The following HTT-AS variants were observed in gnomAD, a reference collection of about 807,000 sequenced individuals.
HTT-AS encodes the protein HTT antisense RNA.
chr4:3,053,717 G>T (rs971266515), intron 2 of HTT-AS, among the ~76,000 whole-genome samples: 3 of 151,362 alleles, frequency 2.0e-5, no homozygotes, highest in African/African-American at 7.3e-5. Context: ...AAAGACATTT[G>T]GCCTAAATTA....
At chr4:3,066,059 C>T (rs965848114) in intron 1 of HTT-AS, among the ~76,000 whole-genome samples, 1 of 152,110 alleles carries the variant, frequency 6.6e-6, no homozygotes, top group African/African-American at 2.4e-5. Context: ...AAGCAGCTTT[C>T]GGGGCTGGAA....
intron 1 of HTT-AS, among the ~76,000 whole-genome samples, chr4:3,069,237 T>C (rs28682489): frequency 0.058 from 8,760 of 151,606 alleles, 453 homozygotes; most frequent in African/African-American, 0.13. Context: ...CCTCCTCCTC[T>C]TGGGTTCAGG....
intron 2 of HTT-AS, among the ~76,000 whole-genome samples, chr4:3,061,416 C>T (rs550365930): frequency 1.3e-5 from 2 of 152,330 alleles, no homozygotes; most frequent in Middle Eastern, 3.4e-3. Flanking sequence ...CGCAGTGGCT[C>T]ATGCCTGTAA....
intron 1 of HTT-AS, among the ~76,000 whole-genome samples, chr4:3,065,509 G>A (rs1578469112): frequency 2.6e-5 from 4 of 152,132 alleles, no homozygotes; most frequent in Admixed American, 6.5e-5. Flanking sequence ...GAGCCACCAC[G>A]CCAGCCCAAC....
downstream of HTT-AS, among the ~76,000 whole-genome samples, chr4:3,048,250 C>T (rs1387622194): frequency 6.6e-6 from 1 of 152,162 alleles, no homozygotes; most frequent in African/African-American, 2.4e-5. Flanking sequence ...AAACTTAGGG[C>T]CTTAGCACCA....
intron 2 of HTT-AS, among the ~76,000 whole-genome samples, chr4:3,059,640 A>T (rs1027226138): frequency 1.3e-5 from 2 of 151,736 alleles, no homozygotes; most frequent in Non-Finnish European, 2.9e-5. Context: ...CCCAGGCTGG[A>T]GTGCAGTGGC....
downstream of HTT-AS, among the ~76,000 whole-genome samples, chr4:3,047,731 G>T (rs1041781068): frequency 2.6e-5 from 4 of 152,212 alleles, no homozygotes; most frequent in Non-Finnish European, 5.9e-5. Flanking sequence ...AGTCAGGCCC[G>T]CCCACAGCCA....
In HTT-AS at chr4:3,059,941, G is replaced by A. The variant is rs181087531; in HGVS notation, n.1380+2493C>T. ...TGTTTTTTGTTTTTTTTTTTGAGAC[G>A]GAGTCTCATTCATTCTGTCACCCAG... is the stretch of plus-strand genomic sequence containing the variant. On this transcript the variant is annotated intron_variant and non_coding_transcript_variant, in intron 2 of 2. Transcript: ENST00000664062. Among the ~76,000 whole-genome samples, 329 of 124,378 alleles carry A rather than the reference G, an allele frequency of 2.6e-3. 5 individuals carry two copies. In the Admixed American group the frequency reaches 0.028, roughly 11 times the overall value. The allele number at this position is 124,378 out of a possible 152,430, so 81.6% of individuals were successfully genotyped here. A position where few individuals can be genotyped will look rare whatever the true frequency, so the allele number is the denominator to read the frequency against.
intron 2 of HTT-AS, among the ~76,000 whole-genome samples, chr4:3,049,930 AC>A (rs1711669462): frequency 2.7e-5 from 4 of 148,526 alleles, no homozygotes; most frequent in African/African-American, 1.0e-4. Flanking sequence ...ACACACACAC[AC>A]ACACACACAC....
chr4:3,057,078 G>A (rs1458370033), intron 2 of HTT-AS, among the ~76,000 whole-genome samples: 3 of 151,164 alleles, frequency 2.0e-5, no homozygotes, highest in Non-Finnish European at 4.4e-5. Context: ...CTGTCGCCCA[G>A]GCTGGAGTGC....
downstream of HTT-AS, among the ~76,000 whole-genome samples, chr4:3,047,783 G>A (rs1014069570): frequency 1.3e-5 from 2 of 152,208 alleles, no homozygotes; most frequent in South Asian, 4.1e-4. Flanking sequence ...GTGCTTCAGC[G>A]GTCACGCTCC....
chr4:3,068,431 T>C (rs1712098084), intron 1 of HTT-AS, among the ~76,000 whole-genome samples: 1 of 151,408 alleles, frequency 6.6e-6, no homozygotes, highest in African/African-American at 2.4e-5. Flanking sequence ...TAAAAACACT[T>C]CCTGATTGAA....
chr4:3,067,108 G>A (rs1712071423), intron 1 of HTT-AS, among the ~76,000 whole-genome samples: 1 of 152,174 alleles, frequency 6.6e-6, no homozygotes, highest in Non-Finnish European at 1.5e-5. Context: ...AGAACTTAAT[G>A]GTAAAGCAAG....
rs3846234 is a variant in HTT-AS at position 3,067,275 on chromosome 4, G to A, written n.114-3575C>T. 1.0e-2 allele frequency among the ~76,000 whole-genome samples: 1,521 copies of A among 152,254 alleles called. 26 individuals are homozygous for A. Among genetic ancestry groups the A allele is most frequent in the African/African-American group, 0.035 (1,460 of 41,504 alleles). ...ACATTTATTTGGAGTACCAGGGAGA[G>A]AGAGAAGGAGAAGAACAGAAGCCGT... On this transcript the variant is annotated intron_variant and non_coding_transcript_variant, in intron 1 of 2. Transcript: ENST00000664062.
At chr4:3,059,907 T>C (rs1711892280) in intron 2 of HTT-AS, among the ~76,000 whole-genome samples, 1 of 148,856 alleles carries the variant, frequency 6.7e-6, no homozygotes, top group South Asian at 2.1e-4. Context: ...TTTAACATCT[T>C]TGTCCCTGTG....
intron 2 of HTT-AS, among the ~76,000 whole-genome samples, chr4:3,050,082 A>G (rs1711675944): frequency 6.6e-6 from 1 of 152,036 alleles, no homozygotes; most frequent in Non-Finnish European, 1.5e-5. Flanking sequence ...CTTTTCCATG[A>G]TGAGTCACGA....
intron 1 of HTT-AS, among the ~76,000 whole-genome samples, chr4:3,072,627 T>A (rs1379155679): frequency 6.6e-6 from 1 of 152,082 alleles, no homozygotes; most frequent in East Asian, 1.9e-4. Flanking sequence ...AACTGGGAAC[T>A]TTATTTATTT....
chr4:3,058,475 C>A (rs1326591128), intron 2 of HTT-AS, among the ~76,000 whole-genome samples: 1 of 152,120 alleles, frequency 6.6e-6, no homozygotes, highest in Non-Finnish European at 1.5e-5. Flanking sequence ...ACCAGAGATC[C>A]CTTTCATTGC....
At chr4:3,070,012 C>A (rs1032119403) in intron 1 of HTT-AS, 2 of 152,452 alleles carry the variant, frequency 1.3e-5, no homozygotes, top group Non-Finnish European at 2.9e-5. Flanking sequence ...CGCTTACTGC[C>A]CCCTGCCCAG....
Sources: gnomAD v4.1 joint callset for allele counts (sites outside exome capture counted in the v4.1 genomes callset) on GRCh38, gnomAD v4.1.1 for gene constraint, MANE v1.5 for transcripts, NCBI Gene and HGNC (gene_info 2026-07-23, HGNC 2026-07-21) for gene names.